Variants in KCNQ5 observed in about 807,000 individuals in gnomAD.
The protein encoded by KCNQ5 is potassium voltage-gated channel subfamily KQT member 5.
Under a neutral mutation model 98.2 loss-of-function variants are expected in KCNQ5, and 30 were observed. The ratio of observed to expected loss-of-function variants is 0.31; its 90% CI spans 0.23 to 0.41. The LOEUF is 0.41. Among genes scored for constraint, KCNQ5 ranks in the 10% least tolerant of loss-of-function variants. KCNQ5 has a pLI of 1.00. For synonymous variants in KCNQ5, 458 were observed against 449.4 expected (o/e 1.02, Z -0.24); for missense variants, 835 against 1,182.5 (o/e 0.71, Z 4.31).
chr6:72,937,568 C>G (rs73753215), intron 1 of KCNQ5, among the ~76,000 whole-genome samples: 6,828 of 152,174 alleles, frequency 0.045, 201 homozygotes, highest in African/African-American at 0.076. Context: ...ATAATTCTTT[C>G]CTATATCAGT....
chr6:72,643,309 C>T (rs974611115), intron 1 of KCNQ5, among the ~76,000 whole-genome samples: 3 of 152,114 alleles, frequency 2.0e-5, no homozygotes, highest in African/African-American at 4.8e-5. Context: ...TGTACACAAA[C>T]ACAGAGCATT....
At chr6:72,826,458 G>GA (rs1775998210) in intron 1 of KCNQ5, among the ~76,000 whole-genome samples, 1 of 151,970 alleles carries the variant, frequency 6.6e-6, no homozygotes, top group Non-Finnish European at 1.5e-5. Flanking sequence ...ATTTCTAATT[G>GA]AAAAATGTCT....
intron 1 of KCNQ5, among the ~76,000 whole-genome samples, chr6:72,846,396 A>T (rs1383974163): frequency 1.3e-5 from 2 of 152,054 alleles, no homozygotes. Flanking sequence ...TCTAAAATTG[A>T]AGTGGGGCCT....
chr6:73,191,255 G>A (rs1020706829), intron 12 of KCNQ5, among the ~76,000 whole-genome samples: 3 of 152,000 alleles, frequency 2.0e-5, no homozygotes, highest in African/African-American at 7.2e-5. Context: ...TCGGTGTGCT[G>A]GGCCAAAGTT....
chr6:73,101,601 A>G lies in KCNQ5; in HGVS notation c.919-3656A>G, dbSNP rs190161715. 2.0e-5 allele frequency among the ~76,000 whole-genome samples: 3 copies of G among 152,322 alleles called. No individual in the cohort carries two copies. The East Asian group carries it at 5.8e-4, about 29-fold the overall frequency. ...ATACAAAAATCAGCAGCATTTCTAT[A>G]TGCCAACTGCAAACAATCTGAAAAA... On this transcript the variant is annotated intron_variant, in intron 5 of 13. Coordinates refer to ENST00000370398, the MANE Select transcript of KCNQ5 (RefSeq NM_019842.4).
chr6:72,903,108 C>T (rs113940543), intron 1 of KCNQ5, among the ~76,000 whole-genome samples: 3,720 of 152,080 alleles, frequency 0.024, 62 homozygotes, highest in Non-Finnish European at 0.035. Context: ...AGGTTTTCTA[C>T]TTTATGCACG....
intron 11 of KCNQ5, among the ~76,000 whole-genome samples, chr6:73,173,647 C>T (rs1778096675): frequency 6.6e-6 from 1 of 151,970 alleles, no homozygotes; most frequent in South Asian, 2.1e-4. Context: ...TTAATATATG[C>T]TGTTTAAATT....
intron 1 of KCNQ5, among the ~76,000 whole-genome samples, chr6:72,785,783 T>G (rs1387022731): frequency 6.6e-6 from 1 of 152,240 alleles, no homozygotes; most frequent in African/African-American, 2.4e-5. Context: ...AGCCTTCAAG[T>G]TGAAGCTAAA....
intron 1 of KCNQ5, among the ~76,000 whole-genome samples, chr6:72,916,787 T>C (rs923662279): frequency 4.6e-5 from 7 of 152,148 alleles, no homozygotes; most frequent in Admixed American, 1.3e-4. Flanking sequence ...CCAAAAAAAG[T>C]TTACTTGCTG....
chr6:73,054,818 A>G (rs938789069), intron 3 of KCNQ5, among the ~76,000 whole-genome samples: 3 of 152,202 alleles, frequency 2.0e-5, no homozygotes, highest in Non-Finnish European at 4.4e-5. Context: ...AGTCCTTTTC[A>G]ACATAGTACT....
intron 1 of KCNQ5, among the ~76,000 whole-genome samples, chr6:72,693,242 C>T (rs984665596): frequency 2.6e-5 from 4 of 152,084 alleles, no homozygotes; most frequent in African/African-American, 9.6e-5. Context: ...AGAGGAGAAA[C>T]GTGCACACGA....
At chr6:72,893,012 A>G (rs749526881) in intron 1 of KCNQ5, among the ~76,000 whole-genome samples, 92 of 152,300 alleles carry the variant, frequency 6.0e-4, no homozygotes, top group Non-Finnish European at 1.1e-3. Context: ...TTCATTTTCC[A>G]TTTGCCTACC....
intron 2 of KCNQ5, among the ~76,000 whole-genome samples, chr6:73,005,282 C>T (rs1380531321): frequency 6.6e-6 from 1 of 152,182 alleles, no homozygotes; most frequent in Admixed American, 6.5e-5. Context: ...CCTTGTCTGC[C>T]CTTTTGATAA....
intron 2 of KCNQ5, among the ~76,000 whole-genome samples, chr6:73,019,440 G>A (rs1346269913): frequency 1.3e-5 from 2 of 152,114 alleles, no homozygotes; most frequent in Non-Finnish European, 2.9e-5. Context: ...CTATTCAAAA[G>A]CACACTATAT....
chr6:72,739,464 C>G (rs1771018441), intron 1 of KCNQ5, among the ~76,000 whole-genome samples: 1 of 152,170 alleles, frequency 6.6e-6, no homozygotes, highest in Admixed American at 6.5e-5. Context: ...GACCTTTCCA[C>G]CAACTGCTTA....
At chr6:72,769,880 A>G (rs2154477368) in intron 1 of KCNQ5, among the ~76,000 whole-genome samples, 1 of 152,234 alleles carries the variant, frequency 6.6e-6, no homozygotes, top group East Asian at 1.9e-4. Context: ...ACAGCTGTTA[A>G]TTTGATAGAA....
At chr6:72,690,141 C>T (rs1044362091) in intron 1 of KCNQ5, among the ~76,000 whole-genome samples, 1 of 151,988 alleles carries the variant, frequency 6.6e-6, no homozygotes, top group East Asian at 1.9e-4. Flanking sequence ...GGTATGATGG[C>T]GGATGCTCTA....
chr6:73,164,432 G>A, intron 10 of KCNQ5, among the ~76,000 whole-genome samples: 1 of 152,158 alleles, frequency 6.6e-6, no homozygotes, highest in Non-Finnish European at 1.5e-5. Context: ...GTTATAAAGT[G>A]CTGTATAAAA....
At chr6:73,185,283 G>C (rs556017366) in intron 11 of KCNQ5, among the ~76,000 whole-genome samples, 1 of 152,152 alleles carries the variant, frequency 6.6e-6, no homozygotes, top group Admixed American at 6.5e-5. Context: ...CTGGGCTTAA[G>C]TGATCCTCCC....
Sources: gnomAD v4.1 joint callset for allele counts (sites outside exome capture counted in the v4.1 genomes callset) on GRCh38, gnomAD v4.1.1 for gene constraint, MANE v1.5 for transcripts, NCBI Gene and HGNC (gene_info 2026-07-23, HGNC 2026-07-21) for gene names.